CXADR: variants seen among roughly 807,000 people sequenced by gnomAD.
CXADR encodes the protein coxsackievirus and adenovirus receptor.
CXADR carries 20 observed loss-of-function variants against 40.3 expected under a neutral mutation model. The observed-to-expected ratio is 0.50, with a 90% CI of 0.35 to 0.72. The LOEUF is 0.72. CXADR is among the 30% of genes least tolerant of loss of function. The probability of loss-of-function intolerance (pLI) is 0.01; values close to 1 mark genes in which losing one functional copy is unlikely to be tolerated. For synonymous variants in CXADR, 150 were observed against 161.3 expected (o/e 0.93, Z 0.53); for missense variants, 332 against 449.1 (o/e 0.74, Z 2.36).
chr21:17,628,767 T>C, the CXADR span, among the ~76,000 whole-genome samples: 1 of 152,044 alleles, frequency 6.6e-6, no homozygotes, highest in Non-Finnish European at 1.5e-5. Context: ...CCTCCCAAAG[T>C]GTTGGGATTA....
chr21:17,534,106 T>TA (rs2060721403), intron 1 of CXADR, among the ~76,000 whole-genome samples: 5 of 63,708 alleles, frequency 7.8e-5, no homozygotes, highest in Admixed American at 2.0e-4. Flanking sequence ...ATATATTTTT[T>TA]TTTTTTTTTT....
rs140619828 is a variant in CXADR at position 17,575,459 on chromosome 21, G to A, written c.1017+9848G>A. ...GGCCTCCTAAGTCCTGGGATTACAGGTGTGAGCCACCATGCCTGTCCTCAA... is the reference window on the plus strand; with the variant it reads ...GGCCTCCTAAGTCCTGGGATTACAGATGTGAGCCACCATGCCTGTCCTCAA... On this transcript the variant is annotated intron_variant, in intron 7 of 7. Coordinates refer to the CXADR transcript ENST00000400169. Among the ~76,000 whole-genome samples, 696 of 151,132 alleles carry A rather than the reference G, an allele frequency of 4.6e-3. 8 individuals carry two copies. Among genetic ancestry groups the A allele is most frequent in the Middle Eastern group, 0.02 (6 of 294 alleles).
chr21:17,536,923 A>AT (rs1356483466), intron 1 of CXADR, among the ~76,000 whole-genome samples: 3 of 151,724 alleles, frequency 2.0e-5, no homozygotes, highest in African/African-American at 4.8e-5. Context: ...TGCCCAGCTA[A>AT]TTTTTTGTAT....
At chr21:17,618,887 C>G in the CXADR span, among the ~76,000 whole-genome samples, 1 of 152,272 alleles carries the variant, frequency 6.6e-6, no homozygotes, top group East Asian at 1.9e-4. Context: ...ATCCCTTGAT[C>G]CATGGGCTGC....
chr21:17,604,769 TAA>T, the CXADR span: 2 of 1,432,304 alleles, frequency 1.4e-6, no homozygotes, highest in East Asian at 4.9e-5. Flanking sequence ...CTCCTGGCCA[TAA>T]AGATACACAG....
At chr21:17,625,453 AT>A in the CXADR span, among the ~76,000 whole-genome samples, 1 of 152,304 alleles carries the variant, frequency 6.6e-6, no homozygotes, top group Non-Finnish European at 1.5e-5. Context: ...CATTTTATAT[AT>A]GTATCAAAAT....
At chr21:17,553,274 C>T (rs1353469407) in intron 3 of CXADR, among the ~76,000 whole-genome samples, 1 of 152,168 alleles carries the variant, frequency 6.6e-6, no homozygotes, top group African/African-American at 2.4e-5. Context: ...TACAAGTAGA[C>T]CCAGCACTTA....
chr21:17,616,208 C>G, the CXADR span, among the ~76,000 whole-genome samples: 35 of 150,896 alleles, frequency 2.3e-4, no homozygotes, highest in Non-Finnish European at 3.8e-4. Flanking sequence ...CTGAGATCAT[C>G]GTGCTCTGCA....
intron 1 of CXADR, among the ~76,000 whole-genome samples, chr21:17,531,334 A>AT (rs2060673124): frequency 6.6e-6 from 1 of 151,948 alleles, no homozygotes; most frequent in Non-Finnish European, 1.5e-5. Flanking sequence ...GAAAGTTAAG[A>AT]AAGTTCCAGT....
At position 17,542,614 on chromosome 21, in the gene CXADR, G is replaced by A. The variant is rs146934218; in HGVS notation, c.44-4413G>A. Among the ~76,000 whole-genome samples the A allele has an allele frequency of 2.2e-4, 34 of 152,280 alleles. No individual in the cohort carries two copies. In the East Asian group the frequency reaches 6.4e-3, roughly 28 times the overall value. On this transcript the variant is annotated intron_variant, in intron 1 of 6. Coordinates refer to ENST00000284878, the MANE Select transcript of CXADR (RefSeq NM_001338.5). ...CACTGCCAATATGGGATGTGGTTCC[G>A]TCTGTTTATTTACATAATATGATCT...
chr21:17,593,113 A>T lies in CXADR; in HGVS notation c.1018-39A>T, dbSNP rs142407596. 1.1e-4 allele frequency: 149 copies of T among 1,317,986 alleles called. 2 individuals carry two copies. In the East Asian group the frequency reaches 3.0e-3, roughly 26 times the overall value. The allele number at this position is 1,317,986 out of a possible 1,614,324, so 81.6% of individuals were successfully genotyped here. ...AAAAATTTACCTTTGGAGAAAAATCAAAACTCTTATAGAGATATCTCTTTT... is the reference window on the plus strand; with the variant it reads ...AAAAATTTACCTTTGGAGAAAAATCTAAACTCTTATAGAGATATCTCTTTT... On this transcript the variant is annotated intron_variant, in intron 7 of 7. Coordinates refer to the CXADR transcript ENST00000400169.
At chr21:17,619,088 C>T in the CXADR span, among the ~76,000 whole-genome samples, 1 of 152,322 alleles carries the variant, frequency 6.6e-6, no homozygotes, top group South Asian at 2.1e-4. Context: ...GATGTGCTGT[C>T]ATCTAGGCTT....
chr21:17,521,995 G>A (rs926027863), intron 1 of CXADR, among the ~76,000 whole-genome samples: 5 of 151,884 alleles, frequency 3.3e-5, no homozygotes, highest in Non-Finnish European at 7.4e-5. Flanking sequence ...TACTGTTGTC[G>A]CTTTGCCTTT....
At chr21:17,618,864 G>A in the CXADR span, among the ~76,000 whole-genome samples, 1 of 152,142 alleles carries the variant, frequency 6.6e-6, no homozygotes, top group African/African-American at 2.4e-5. Context: ...AATAAGACTT[G>A]AAATTCTAAC....
chr21:17,519,955 T>C (rs533021300), intron 1 of CXADR, among the ~76,000 whole-genome samples: 6 of 151,526 alleles, frequency 4.0e-5, no homozygotes, highest in South Asian at 4.2e-4. Flanking sequence ...CGAGACTCCA[T>C]CTCAAAATAA....
chr21:17,570,950 A>G (rs1290366121), downstream of CXADR, among the ~76,000 whole-genome samples: 1 of 152,154 alleles, frequency 6.6e-6, no homozygotes, highest in African/African-American at 2.4e-5. Flanking sequence ...TGTCCTGTGC[A>G]TTGCGAAATG....
intron 7 of CXADR, among the ~76,000 whole-genome samples, chr21:17,583,594 C>G (rs903353227): frequency 2.3e-5 from 2 of 85,718 alleles, no homozygotes; most frequent in Non-Finnish European, 4.5e-5. Context: ...ATGATTTGGC[C>G]ATGCTGACAC....
chr21:17,588,002 ATTGC>A (rs2061409726), intron 7 of CXADR, among the ~76,000 whole-genome samples: 1 of 152,050 alleles, frequency 6.6e-6, no homozygotes, highest in South Asian at 2.1e-4. Context: ...TCCTTTCCCC[ATTGC>A]TTGTTTTTCT....
the CXADR span, among the ~76,000 whole-genome samples, chr21:17,629,108 GA>G: frequency 6.6e-6 from 1 of 152,134 alleles, no homozygotes; most frequent in Non-Finnish European, 1.5e-5. Context: ...GGGGGTAAGA[GA>G]CAAGGAGGCC....
Sources: gnomAD v4.1 joint callset for allele counts (sites outside exome capture counted in the v4.1 genomes callset) on GRCh38, gnomAD v4.1.1 for gene constraint, MANE v1.5 for transcripts, NCBI Gene and HGNC (gene_info 2026-07-23, HGNC 2026-07-21) for gene names.